MSRA: variants seen among roughly 807,000 people sequenced by gnomAD.
MSRA encodes the protein methionine sulfoxide reductase A, also known as mitochondrial peptide methionine sulfoxide reductase.
MSRA carries 54 observed loss-of-function variants against 31.3 expected under a neutral mutation model. That is an observed-to-expected ratio of 1.73 (90% CI 1.39 to 2.17). The LOEUF (loss-of-function observed/expected upper bound fraction) is 2.17, where lower values mean the gene tolerates loss of function less well. Ranked by LOEUF, MSRA falls within the 30% of genes most tolerant of loss-of-function variation. MSRA has a pLI of 0.00. For synonymous variants in MSRA, 169 were observed against 116.5 expected, an observed-to-expected ratio of 1.45 and a Z score of -2.90; for missense variants, 507 against 300.9, an observed-to-expected ratio of 1.69 and a Z score of -5.07.
chr8:10,181,510 C>T (rs1212586259), intron 1 of MSRA, among the ~76,000 whole-genome samples: 2 of 151,082 alleles, frequency 1.3e-5, no homozygotes, highest in Admixed American at 6.6e-5. Context: ...TTCTAGGGGC[C>T]CTGTAGGCCA....
rs192793577 is a variant in MSRA at position 10,367,729 on chromosome 8, G to A, written c.543+47740G>A. 5.5e-4 allele frequency among the ~76,000 whole-genome samples: 84 copies of A among 152,312 alleles called. 1 individual carries two copies. Among genetic ancestry groups the A allele is most frequent in the Non-Finnish European group, 3.8e-4 (26 of 68,026 alleles). On this transcript the variant is annotated intron_variant, in intron 5 of 5. Coordinates refer to ENST00000317173, the MANE Select transcript of MSRA (RefSeq NM_012331.5). ...GCGGGCATCCCATTGCTCTGTCTCC[G>A]GCGCTGGCTGGACCCCACTGGTGTG...
rs142712830 is a variant in MSRA, at chr8:10,242,650, CATA to C, written c.212-2451_212-2449del. The stretch of plus-strand genomic sequence containing the variant: ...ATACTATATTTTATTTGCTGATATT[CATA>C]ATGATCACCAGATTATTGAAATTTA... On this transcript the variant is annotated intron_variant, in intron 2 of 5. Transcript: ENST00000317173. 3.2e-3 allele frequency among the ~76,000 whole-genome samples: 491 copies of C among 152,200 alleles called. 3 individuals carry two copies. The highest frequency in any genetic ancestry group is 0.011 in the African/African-American group (473 of 41,536).
intron 2 of MSRA, among the ~76,000 whole-genome samples, chr8:10,218,706 C>T (rs1810224798): frequency 1.3e-5 from 2 of 152,136 alleles, no homozygotes; most frequent in Admixed American, 1.3e-4. Context: ...AACGTGTATT[C>T]CCAAGTGTCA....
At chr8:10,284,694 T>A (rs751027264) in intron 3 of MSRA, among the ~76,000 whole-genome samples, 4 of 152,092 alleles carry the variant, frequency 2.6e-5, no homozygotes, top group South Asian at 2.1e-4. Flanking sequence ...GGAGCTACAT[T>A]ATGGAGGTCT....
intron 3 of MSRA, among the ~76,000 whole-genome samples, chr8:10,290,568 C>G (rs1424081064): frequency 6.6e-6 from 1 of 152,178 alleles, no homozygotes; most frequent in South Asian, 2.1e-4. Flanking sequence ...AATGCATATG[C>G]CAGGCCTGCC....
intron 2 of MSRA, among the ~76,000 whole-genome samples, chr8:10,230,118 A>G (rs1410122372): frequency 6.6e-6 from 1 of 152,214 alleles, no homozygotes; most frequent in Admixed American, 6.5e-5. Flanking sequence ...ATGCTGTGCT[A>G]TGTGACAGAA....
chr8:10,161,687 G>A (rs1022741216), intron 1 of MSRA, among the ~76,000 whole-genome samples: 3 of 152,100 alleles, frequency 2.0e-5, no homozygotes, highest in Non-Finnish European at 4.4e-5. Flanking sequence ...GGAGACCCGG[G>A]TTCTGCATCT....
At chr8:10,054,979 G>A (rs1056737232) in intron 1 of MSRA, among the ~76,000 whole-genome samples, 22 of 152,320 alleles carry the variant, frequency 1.4e-4, no homozygotes, top group East Asian at 1.4e-3. Flanking sequence ...GTGCCGCTGG[G>A]GTCTGGCCTT....
chr8:10,279,013 G>A (rs902584162), intron 3 of MSRA, among the ~76,000 whole-genome samples: 1 of 152,036 alleles, frequency 6.6e-6, no homozygotes, highest in African/African-American at 2.4e-5. Context: ...AAATTGCCCC[G>A]TGATGGTTAT....
intron 1 of MSRA, among the ~76,000 whole-genome samples, chr8:10,105,045 A>G (rs186435029): frequency 6.6e-6 from 1 of 152,346 alleles, no homozygotes; most frequent in East Asian, 1.9e-4. Context: ...GAGATTGAAC[A>G]TCTTTTAATA....
At chr8:10,365,142 C>G (rs545871412) in intron 5 of MSRA, among the ~76,000 whole-genome samples, 31 of 61,300 alleles carry the variant, frequency 5.1e-4, no homozygotes, top group South Asian at 4.3e-3. Context: ...GTGAAGCAAC[C>G]AAAAAAAAAA....
At chr8:10,296,717 C>T (rs566440327) in intron 3 of MSRA, among the ~76,000 whole-genome samples, 1 of 152,304 alleles carries the variant, frequency 6.6e-6, no homozygotes, top group South Asian at 2.1e-4. Flanking sequence ...GATAAAGGCC[C>T]CCCCAGCATG....
At chr8:10,320,645 G>A (rs939594030) in intron 5 of MSRA, among the ~76,000 whole-genome samples, 1 of 152,096 alleles carries the variant, frequency 6.6e-6, no homozygotes, top group Non-Finnish European at 1.5e-5. Context: ...GTAACAAACA[G>A]TCACAGCCTG....
chr8:10,058,156 A>C (rs879299638), intron 1 of MSRA, among the ~76,000 whole-genome samples: 2 of 152,200 alleles, frequency 1.3e-5, no homozygotes, highest in African/African-American at 4.8e-5. Flanking sequence ...CATGTTAAAA[A>C]CAGATGTAGA....
At chr8:10,381,505 C>T (rs762419321) in intron 5 of MSRA, among the ~76,000 whole-genome samples, 6 of 152,274 alleles carry the variant, frequency 3.9e-5, no homozygotes, top group South Asian at 4.1e-4. Flanking sequence ...GTGTACCCTA[C>T]GGGCCCCTCC....
intron 5 of MSRA, among the ~76,000 whole-genome samples, chr8:10,335,092 C>A (rs1222429591): frequency 6.6e-6 from 1 of 152,172 alleles, no homozygotes; most frequent in Non-Finnish European, 1.5e-5. Context: ...GGCGCAGGGA[C>A]CGCCCCCCGC....
chr8:10,280,409 T>G (rs1172176300), intron 3 of MSRA, among the ~76,000 whole-genome samples: 1 of 152,202 alleles, frequency 6.6e-6, no homozygotes, highest in Non-Finnish European at 1.5e-5. Flanking sequence ...CCAATCGTTT[T>G]GATAGTAGCA....
intron 1 of MSRA, among the ~76,000 whole-genome samples, chr8:10,134,890 C>T (rs1802157226): frequency 6.6e-6 from 1 of 152,164 alleles, no homozygotes; most frequent in Non-Finnish European, 1.5e-5. Context: ...GAAATCAGTC[C>T]CAAAGAGCTC....
intron 1 of MSRA, among the ~76,000 whole-genome samples, chr8:10,191,595 GT>G (rs1807509809): frequency 6.6e-6 from 1 of 152,170 alleles, no homozygotes; most frequent in Non-Finnish European, 1.5e-5. Flanking sequence ...AGAAATGCCT[GT>G]TTTAGCAATG....
Sources: gnomAD v4.1 joint callset for allele counts (sites outside exome capture counted in the v4.1 genomes callset) on GRCh38, gnomAD v4.1.1 for gene constraint, MANE v1.5 for transcripts, NCBI Gene and HGNC (gene_info 2026-07-23, HGNC 2026-07-21) for gene names.